Variants in ERBB4 observed in about 807,000 individuals in gnomAD.
ERBB4 encodes the protein erb-b2 receptor tyrosine kinase 4.
ERBB4 carries 42 observed loss-of-function variants against 158.0 expected under a neutral mutation model. That is an observed-to-expected ratio of 0.27 (90% CI 0.21 to 0.34). The LOEUF is 0.34. Ranked by LOEUF, ERBB4 falls within the 10% of genes least tolerant of loss-of-function variation. ERBB4 has a pLI of 1.00. For synonymous variants in ERBB4, 583 were observed against 558.7 expected (o/e 1.04, Z -0.61); for missense variants, 1,333 against 1,624.1 (o/e 0.82, Z 3.08).
chr2:212,050,137 A>C (rs772641573), intron 2 of ERBB4, among the ~76,000 whole-genome samples: 1 of 152,100 alleles, frequency 6.6e-6, no homozygotes. Context: ...ATGCATCCTC[A>C]TAGTTTCATA....
At chr2:211,757,927 T>C in intron 4 of ERBB4, among the ~76,000 whole-genome samples, 1 of 152,182 alleles carries the variant, frequency 6.6e-6, no homozygotes, top group East Asian at 1.9e-4. Context: ...TTTCAAAATC[T>C]CTTAACTCAT....
intron 1 of ERBB4, among the ~76,000 whole-genome samples, chr2:212,366,330 GT>G (rs1456059414): frequency 6.6e-6 from 1 of 151,942 alleles, no homozygotes; most frequent in Non-Finnish European, 1.5e-5. Context: ...AAAAACTACA[GT>G]GAATTAAAAT....
intron 3 of ERBB4, among the ~76,000 whole-genome samples, chr2:211,806,943 G>T (rs1022408183): frequency 6.6e-6 from 1 of 151,908 alleles, no homozygotes; most frequent in Non-Finnish European, 1.5e-5. Flanking sequence ...TTTAAAGATA[G>T]TATCTTTAAA....
At chr2:211,768,836 T>A (rs2075621887) in intron 4 of ERBB4, among the ~76,000 whole-genome samples, 1 of 150,882 alleles carries the variant, frequency 6.6e-6, no homozygotes, top group South Asian at 2.1e-4. Context: ...ATTTTCCCCA[T>A]TGTCTTGGTG....
intron 1 of ERBB4, among the ~76,000 whole-genome samples, chr2:212,146,291 G>A (rs564216407): frequency 6.0e-4 from 92 of 152,258 alleles, no homozygotes; most frequent in African/African-American, 1.1e-3. Flanking sequence ...CTGCCTTGCT[G>A]GGACTTCTAT....
chr2:212,524,619 C>G (rs182090149), intron 1 of ERBB4, among the ~76,000 whole-genome samples: 136 of 152,090 alleles, frequency 8.9e-4, no homozygotes, highest in African/African-American at 2.8e-3. Flanking sequence ...AGGCCTCACT[C>G]ATATGATTTT....
chr2:211,781,361 T>C (rs756429272), intron 4 of ERBB4, among the ~76,000 whole-genome samples: 1 of 152,224 alleles, frequency 6.6e-6, no homozygotes, highest in Non-Finnish European at 1.5e-5. Context: ...ATGTTCATGA[T>C]TATAGTGGTA....
intron 20 of ERBB4, among the ~76,000 whole-genome samples, chr2:211,458,865 A>C (rs1465132087): frequency 6.6e-6 from 1 of 152,192 alleles, no homozygotes; most frequent in African/African-American, 2.4e-5. Flanking sequence ...CACTGAAATG[A>C]GCAAAGTCAT....
chr2:212,536,279 G>A (rs941385983), intron 1 of ERBB4, among the ~76,000 whole-genome samples: 2 of 151,776 alleles, frequency 1.3e-5, no homozygotes, highest in Non-Finnish European at 2.9e-5. Flanking sequence ...ATTAAAACCA[G>A]CTGAACTTTC....
chr2:211,409,548 T>G (rs2063213458), intron 25 of ERBB4, among the ~76,000 whole-genome samples: 1 of 152,194 alleles, frequency 6.6e-6, no homozygotes, highest in African/African-American at 2.4e-5. Context: ...CTCTATCAAT[T>G]CCATTTGTTC....
rs1377506873 is a variant in ERBB4, at chr2:211,968,921, GA to G, written c.235-21306del. ...GGAATATCATTACAACCCATTGAAG[GA>G]CCTATTCAAATTGAACCCAAATTCA... is the stretch of plus-strand genomic sequence containing the variant. On this transcript the variant is annotated intron_variant, in intron 2 of 27. Coordinates refer to ENST00000342788, the MANE Select transcript of ERBB4 (RefSeq NM_005235.3). 3.9e-5 allele frequency among the ~76,000 whole-genome samples: 6 copies of G among 151,956 alleles called. No homozygotes were observed. The East Asian group carries it at 1.2e-3, about 29-fold the overall frequency.
At chr2:212,262,725 G>C (rs2084991685) in intron 1 of ERBB4, among the ~76,000 whole-genome samples, 1 of 152,082 alleles carries the variant, frequency 6.6e-6, no homozygotes, top group Non-Finnish European at 1.5e-5. Context: ...AATGGGTTTG[G>C]TGAATTGGAT....
intron 1 of ERBB4, among the ~76,000 whole-genome samples, chr2:212,362,063 CAA>C (rs2089708184): frequency 6.6e-6 from 1 of 151,396 alleles, no homozygotes; most frequent in Non-Finnish European, 1.5e-5. Context: ...AAAAATGAGA[CAA>C]ATTGTATAAT....
At chr2:211,712,539 T>G (rs34156842) in intron 8 of ERBB4, among the ~76,000 whole-genome samples, 27,799 of 152,080 alleles carry the variant, frequency 0.18, 3,127 homozygotes, top group East Asian at 0.3. Context: ...AAATATCATT[T>G]TTAATGATTT....
intron 1 of ERBB4, among the ~76,000 whole-genome samples, chr2:212,186,275 C>G (rs1417313468): frequency 6.6e-6 from 1 of 152,140 alleles, no homozygotes; most frequent in East Asian, 1.9e-4. Flanking sequence ...TAAGCAATCT[C>G]CGTTCTTGGC....
At chr2:212,331,076 A>ACATATATATATATATATACACG (rs2088140004) in intron 1 of ERBB4, among the ~76,000 whole-genome samples, 1 of 129,976 alleles carries the variant, frequency 7.7e-6, no homozygotes, top group Non-Finnish European at 1.7e-5. Flanking sequence ...ATATATACAC[A>ACATATATATATATATATACACG]TATATATATA....
intron 20 of ERBB4, among the ~76,000 whole-genome samples, chr2:211,478,570 A>C (rs1422255025): frequency 6.6e-6 from 1 of 152,130 alleles, no homozygotes; most frequent in Non-Finnish European, 1.5e-5. Flanking sequence ...TTAGAGGCAA[A>C]ATAGATTTGA....
intron 20 of ERBB4, among the ~76,000 whole-genome samples, chr2:211,540,249 ATTTAT>A (rs1247996729): frequency 6.6e-6 from 1 of 151,530 alleles, no homozygotes; most frequent in Non-Finnish European, 1.5e-5. Flanking sequence ...TTCACTGTAT[ATTTAT>A]TTTGAGCACC....
At chr2:212,499,372 T>C (rs1690756955) in intron 1 of ERBB4, among the ~76,000 whole-genome samples, 1 of 152,140 alleles carries the variant, frequency 6.6e-6, no homozygotes, top group Admixed American at 6.6e-5. Context: ...AGTACCAACT[T>C]AATGAAGACC....
Sources: gnomAD v4.1 joint callset for allele counts (sites outside exome capture counted in the v4.1 genomes callset) on GRCh38, gnomAD v4.1.1 for gene constraint, MANE v1.5 for transcripts, NCBI Gene and HGNC (gene_info 2026-07-23, HGNC 2026-07-21) for gene names.